LILRA4: variants seen among roughly 807,000 people sequenced by gnomAD.
LILRA4 encodes the protein leukocyte immunoglobulin like receptor A4, also known as leukocyte immunoglobulin-like receptor subfamily A member 4.
LILRA4 carries 51 observed loss-of-function variants against 49.5 expected under a neutral mutation model. The ratio of observed to expected loss-of-function variants is 1.03; its 90% CI spans 0.82 to 1.30. The LOEUF is 1.30. Among genes scored for constraint, LILRA4 ranks in the 50% most tolerant of loss-of-function variants. LILRA4 has a pLI of 0.00. For synonymous variants in LILRA4, 272 were observed against 265.6 expected, an observed-to-expected ratio of 1.02 and a Z score of -0.23; for missense variants, 624 against 625.6, an observed-to-expected ratio of 1.00 and a Z score of 0.03.
rs770548062 is a variant in LILRA4, at chr19:54,336,887, G to A, written c.1209C>T (p.Pro403=). The A allele has an allele frequency of 1.2e-5, 20 of 1,614,188 alleles. No homozygotes were observed. The highest frequency in any genetic ancestry group is 1.5e-5 in the Non-Finnish European group (18 of 1,180,000). The change falls in exon 6 of 8, where the codon CCC becomes CCT. Residue 403 remains proline, a synonymous_variant. Coordinates refer to ENST00000291759, the MANE Select transcript of LILRA4 (RefSeq NM_012276.5). Reference sequence around the variant, plus strand: ...GCTCACTGGGGTGAGACAGCAGGTAGGGGTTGGAGCTGCGTGAGCCGTAGC... The same window carrying A: ...GCTCACTGGGGTGAGACAGCAGGTAAGGGTTGGAGCTGCGTGAGCCGTAGC... The part of the protein sequence containing the change: ...YRCYGSRSSN[P]YLLSHPSEPL...
intron 1 of LILRA4, 43 bp downstream of exon 1, chr19:54,339,017 C>G (rs373330112): frequency 3.8e-5 from 62 of 1,613,464 alleles, no homozygotes; most frequent in Non-Finnish European, 5.3e-5. Context: ...ATTGGGGTCT[C>G]TCTCCTAGAC....
At position 54,337,488 on chromosome 19, in the gene LILRA4, G is replaced by A. The variant is rs150520656; in HGVS notation, c.864C>T (p.Ser288=). 6,045 of 1,612,554 alleles carry A rather than the reference G, an allele frequency of 3.7e-3. 34 individuals are homozygous for A. The highest frequency in any genetic ancestry group is 0.026 in the East Asian group (1,145 of 44,856). Residue 288 remains serine (S), a synonymous_variant, in exon 5 of 8, where the codon TCC becomes TCT. Transcript: ENST00000291759. ...ANFTLSPVSR[S]YGGQYRCYGA... Reference sequence around the variant, plus strand: ...CGTAGCATCTGTACTGGCCCCCGTAGGAGCGGCTCACAGGGCTCAGGGTGA... The same window carrying A: ...CGTAGCATCTGTACTGGCCCCCGTAAGAGCGGCTCACAGGGCTCAGGGTGA...
At chr19:54,338,262 G>A (rs773210139) in intron 3 of LILRA4, 27 bp from the exon 4 acceptor site, 10 of 1,596,946 alleles carry the variant, frequency 6.3e-6, no homozygotes, top group South Asian at 1.1e-5. Flanking sequence ...AGGCAGCCGT[G>A]TTTAAATGGG....
Position 54,336,923 on chromosome 19 carries a change from C to T in LILRA4, c.1173G>A (p.Gly391=), listed in dbSNP as rs1217729079. The part of the protein sequence containing the change: ...PMSPVTSAHA[G]TYRCYGSRSS... ...TGCGTGAGCCGTAGCACCTGTAGGT[C>T]CCCGCGTGGGCTGAGGTCACAGGAC... Residue 391 remains glycine, a synonymous_variant, in exon 6 of 8, where the codon GGG becomes GGA. Transcript: ENST00000291759. 4 of 1,614,072 alleles carry T rather than the reference C, an allele frequency of 2.5e-6. No individual in the cohort carries two copies. The highest frequency in any genetic ancestry group is 1.3e-5 in the African/African-American group (1 of 74,932).
Position 54,338,130 on chromosome 19 carries a change from A to C in LILRA4, c.461T>G (p.Leu154Arg). The change falls in exon 4 of 8, where the codon CTG (leucine) becomes CGG (arginine). Residue 154 changes from leucine to arginine, a missense_variant. Physicochemically the swap from Leu to Arg is moderately radical, Grantham distance 102 (BLOSUM62 -2). Transcript: ENST00000291759. ...ASRLGLGRFT[L>R]IEEGDHRLSW... ...GAGCCTGTGGTCTCCTTCCTCAATC[A>C]GAGTGAACCTGCCCAGTCCCAGCCG... The C allele has an allele frequency of 6.2e-7, 1 of 1,614,064 alleles. No homozygotes were observed. The highest frequency in any genetic ancestry group is 8.5e-7 in the Non-Finnish European group (1 of 1,179,976).
intron 6 of LILRA4, 37 bp from the exon 7 acceptor site, chr19:54,334,002 G>T: frequency 1.3e-6 from 2 of 1,550,926 alleles, no homozygotes; most frequent in Non-Finnish European, 1.8e-6. Context: ...GTGAGAAGCT[G>T]AAGAGCCTCT....
intron 6 of LILRA4, 53 bp from the exon 7 acceptor site, chr19:54,334,018 G>A: frequency 7.1e-7 from 1 of 1,418,262 alleles, no homozygotes. Context: ...CCTCTCCCCT[G>A]GGCAATGCAT....
chr19:54,336,940 T>C lies in LILRA4; in HGVS notation c.1156A>G (p.Thr386Ala), dbSNP rs762719897. ...CTGTAGGTCCCCGCGTGGGCTGAGG[T>C]CACAGGACTCATGGGGAATTCAGCC... The part of the protein sequence containing the change: ...YQAEFPMSPV[T>A]SAHAGTYRCY... Residue 386 changes from threonine (T) to alanine (A), a missense_variant, in exon 6 of 8, where the codon ACC (threonine) becomes GCC (alanine). Physicochemically the swap from Thr to Ala is moderately conservative, Grantham distance 58 (BLOSUM62 0). Transcript: ENST00000291759. 4 of 1,614,070 alleles carry C rather than the reference T, an allele frequency of 2.5e-6. No homozygotes were observed. In the African/African-American group the frequency reaches 4.0e-5, roughly 16 times the overall value.
At chr19:54,338,833 G>A in intron 2 of LILRA4, 33 bp downstream of exon 2, 1 of 1,613,610 alleles carries the variant, frequency 6.2e-7, no homozygotes, top group Non-Finnish European at 8.5e-7. Flanking sequence ...CCAGAGAGGA[G>A]GAGGGACCTA....
In LILRA4 at chr19:54,333,428, G is replaced by T; in HGVS notation, c.*144C>A. ...GTCAAGGAGAGTCGACAATGAGGAG[G>T]AAAGCACCACAGTTTAATGGAGGAA... On this transcript the variant is annotated 3_prime_UTR_variant, in exon 8 of 8. Coordinates refer to ENST00000291759, the MANE Select transcript of LILRA4 (RefSeq NM_012276.5). 1 of 769,770 alleles carries T rather than the reference G, an allele frequency of 1.3e-6. No individual in the cohort carries two copies. 47.7% of individuals were successfully genotyped at this position (769,770 alleles called of 1,614,324 possible). A position where few individuals can be genotyped will look rare whatever the true frequency, so the allele number is the denominator to read the frequency against.
chr19:54,338,751 C>A, intron 2 of LILRA4, 71 bp from the exon 3 acceptor site: 1 of 1,585,148 alleles, frequency 6.3e-7, no homozygotes, highest in Non-Finnish European at 8.6e-7. Context: ...GCCCCAGGAC[C>A]CCCCTCATCC....
At position 54,338,675 on chromosome 19, in the gene LILRA4, G is replaced by A; in HGVS notation, c.76C>T (p.Leu26=). The part of the protein sequence containing the change: ...GPRTRVQAEN[L]LKPILWAEPG... ...TCGGCCCACAGGATGGGTTTGAGTAGGTTTTCTGGAAGGAAATTACAGGTT... is the reference window on the plus strand; with the variant it reads ...TCGGCCCACAGGATGGGTTTGAGTAAGTTTTCTGGAAGGAAATTACAGGTT... Residue 26 remains leucine (L), a synonymous_variant, in exon 3 of 8, where the codon CTA becomes TTA. Transcript: ENST00000291759. 1 of 1,605,886 alleles carries A rather than the reference G, an allele frequency of 6.2e-7. No homozygotes were observed. The highest frequency in any genetic ancestry group is 8.5e-7 in the Non-Finnish European group (1 of 1,175,614).
intron 6 of LILRA4, 97 bp from the exon 7 acceptor site, chr19:54,334,062 T>A (rs906227048): frequency 7.0e-6 from 7 of 1,000,894 alleles, no homozygotes; most frequent in Non-Finnish European, 1.1e-5. Context: ...GGTGTGACTT[T>A]ATGTAGATCC....
chr19:54,335,762 G>T (rs971776807), intron 6 of LILRA4: 3 of 152,294 alleles, frequency 2.0e-5, no homozygotes, highest in African/African-American at 7.2e-5. Context: ...GCCTCCCAAA[G>T]TGCTGGGATT....
At chr19:54,333,829 G>T in intron 7 of LILRA4, 64 bp from the exon 8 acceptor site, 2 of 1,612,066 alleles carry the variant, frequency 1.2e-6, no homozygotes, top group South Asian at 1.1e-5. Context: ...AAGACCCCTG[G>T]ATGTCCACCC....
At position 54,333,745 on chromosome 19, in the gene LILRA4, T is replaced by C; in HGVS notation, c.1327A>G (p.Thr443Ala). The C allele has an allele frequency of 6.2e-7, 1 of 1,614,054 alleles. No homozygotes were observed. ...CCCATGCGGATGAGATTCTCCACTG[T>C]GTAATCCTGGAGGTGTGGGGCTAGG... ...SKTAPHLQDY[T>A]VENLIRMGVA... is the part of the protein sequence containing the mutation. Residue 443 changes from threonine to alanine, a missense_variant, in exon 8 of 8, where the codon ACA (threonine) becomes GCA (alanine). Physicochemically the swap from Thr to Ala is moderately conservative, Grantham distance 58 (BLOSUM62 0). Transcript: ENST00000291759.
rs771165902 is a variant in LILRA4 at position 54,339,141 on chromosome 19, G to T, written c.-48C>A. ...GGCTGTGCAGGCAGGTGTGGCCACGGTGCCCGTAGACACAGACAGACACAT... is the reference window on the plus strand; with the variant it reads ...GGCTGTGCAGGCAGGTGTGGCCACGTTGCCCGTAGACACAGACAGACACAT... On this transcript the variant is annotated 5_prime_UTR_variant, in exon 1 of 8. Coordinates refer to ENST00000291759, the MANE Select transcript of LILRA4 (RefSeq NM_012276.5). 7 of 1,610,314 alleles carry T rather than the reference G, an allele frequency of 4.3e-6. No individual in the cohort carries two copies. The African/African-American group carries it at 9.4e-5, about 22-fold the overall frequency.
In LILRA4 at chr19:54,333,778, G is replaced by C; in HGVS notation, c.1307-13C>G. On this transcript the variant is annotated splice_polypyrimidine_tract_variant and intron_variant, in intron 7 of 7. Coordinates refer to ENST00000291759, the MANE Select transcript of LILRA4 (RefSeq NM_012276.5). ...TGGAGGTGTGGGGCTAGGGATGGTGGACAAAGAGGTCACAGAGGTCAGGGC... is the reference window on the plus strand; with the variant it reads ...TGGAGGTGTGGGGCTAGGGATGGTGCACAAAGAGGTCACAGAGGTCAGGGC... The C allele has an allele frequency of 6.2e-7, 1 of 1,614,040 alleles. No individual in the cohort carries two copies. Among genetic ancestry groups the C allele is most frequent in the Non-Finnish European group, 8.5e-7 (1 of 1,179,982 alleles).
At chr19:54,336,430 A>C in intron 6 of LILRA4, 1 of 241,884 alleles carries the variant, frequency 4.1e-6, no homozygotes, top group East Asian at 9.4e-5. Flanking sequence ...CCCTCAGTCT[A>C]ATCTCATCTC....
Sources: allele counts gnomAD v4.1 joint callset, GRCh38; gene constraint gnomAD v4.1.1; transcripts MANE v1.5; gene names NCBI Gene and HGNC (gene_info 2026-07-23, HGNC 2026-07-21).